ARHGAP24: variants seen among roughly 807,000 people sequenced by gnomAD.
ARHGAP24 encodes the protein rho GTPase-activating protein 24.
In ARHGAP24, 50 loss-of-function variants were observed where a neutral mutation model predicts 76.4. That is an observed-to-expected ratio of 0.65 (90% CI 0.52 to 0.83). The LOEUF (loss-of-function observed/expected upper bound fraction) is 0.83. Ranked by LOEUF, ARHGAP24 falls within the 40% of genes least tolerant of loss-of-function variation. The pLI is 0.00. For missense variants in ARHGAP24, 930 were observed against 914.2 expected (o/e 1.02, Z -0.22); for synonymous variants, 345 against 323.3 (o/e 1.07, Z -0.72).
intron 2 of ARHGAP24, among the ~76,000 whole-genome samples, chr4:85,574,991 T>C (rs149936410): frequency 7.9e-5 from 12 of 152,348 alleles, no homozygotes; most frequent in Non-Finnish European, 1.6e-4. Context: ...CTCAGCTCTC[T>C]GGAGACAGTA....
intron 2 of ARHGAP24, among the ~76,000 whole-genome samples, chr4:85,652,746 G>GC (rs1272048379): frequency 6.6e-6 from 1 of 152,118 alleles, no homozygotes; most frequent in Admixed American, 6.6e-5. Flanking sequence ...GGATTAGGGG[G>GC]TGGCAAGTTG....
At chr4:85,918,554 T>A (rs1735542679) in intron 3 of ARHGAP24, among the ~76,000 whole-genome samples, 2 of 152,128 alleles carry the variant, frequency 1.3e-5, no homozygotes, top group South Asian at 2.1e-4. Flanking sequence ...AACTATGCAT[T>A]ATTTTATGTT....
intron 1 of ARHGAP24, among the ~76,000 whole-genome samples, chr4:85,480,904 A>T (rs1279873507): frequency 1.3e-5 from 2 of 152,170 alleles, no homozygotes; most frequent in Non-Finnish European, 2.9e-5. Context: ...AATTGAATCT[A>T]TCAAAAAATT....
intron 3 of ARHGAP24, among the ~76,000 whole-genome samples, chr4:85,898,070 T>C (rs908339165): frequency 1.7e-4 from 26 of 149,102 alleles, no homozygotes; most frequent in African/African-American, 6.4e-4. Flanking sequence ...ATTATTTTTT[T>C]ATTGGTTAGG....
chr4:85,898,793 G>A (rs1734335394), intron 3 of ARHGAP24, among the ~76,000 whole-genome samples: 1 of 151,974 alleles, frequency 6.6e-6, no homozygotes, highest in South Asian at 2.1e-4. Flanking sequence ...TGCCCAGGTT[G>A]GAGTGCAATG....
intron 8 of ARHGAP24, chr4:85,991,941 T>G (rs1410543171): frequency 7.8e-6 from 3 of 385,458 alleles, no homozygotes; most frequent in Admixed American, 4.5e-5. Context: ...AGTCCCTAGG[T>G]TTTTTTTAAA....
chr4:85,909,223 A>G lies in ARHGAP24; in HGVS notation c.269-14425A>G, dbSNP rs1200385964. Among the ~76,000 whole-genome samples the G allele has an allele frequency of 2.6e-5, 4 of 152,256 alleles. No homozygotes were observed. In the East Asian group the frequency reaches 7.7e-4, roughly 29 times the overall value. On this transcript the variant is annotated intron_variant, in intron 3 of 9. Transcript: ENST00000395184. ...TGCAGAGTCTACCATAGAGAAACAC[A>G]GTGATCTTGATTTAAACTTGCTTTC...
In ARHGAP24 at chr4:85,990,473, T is replaced by C. The variant is rs143198484; in HGVS notation, c.929-4110T>C. 197 of 151,938 alleles carry C rather than the reference T, an allele frequency of 1.3e-3. 1 individual carries two copies. The highest frequency in any genetic ancestry group is 3.8e-3 in the African/African-American group (158 of 41,544). 9.4% of individuals were successfully genotyped at this position (151,938 alleles called of 1,614,324 possible). ...ACAGGGAAATAAAAGCTATCTAGAA[T>C]AGCACAAATAATTTGAAAGGAAATA... On this transcript the variant is annotated intron_variant, in intron 8 of 9. Transcript: ENST00000395184.
At chr4:85,738,377 T>G (rs1725683436) in intron 3 of ARHGAP24, among the ~76,000 whole-genome samples, 1 of 87,522 alleles carries the variant, frequency 1.1e-5, no homozygotes, top group Admixed American at 1.2e-4. Context: ...TTTATTATTA[T>G]TATTATTATT....
intron 2 of ARHGAP24, among the ~76,000 whole-genome samples, chr4:85,646,080 A>G (rs1721711676): frequency 6.6e-6 from 1 of 152,100 alleles, no homozygotes. Context: ...AAGTGTTTGT[A>G]TATGTTATTT....
intron 3 of ARHGAP24, among the ~76,000 whole-genome samples, chr4:85,788,878 A>G (rs543519330): frequency 3.3e-4 from 50 of 152,308 alleles, no homozygotes; most frequent in African/African-American, 1.1e-3. Context: ...CATTGAGATC[A>G]AGGACAGAAA....
chr4:85,697,746 G>A (rs892094525), intron 2 of ARHGAP24, among the ~76,000 whole-genome samples: 4 of 152,190 alleles, frequency 2.6e-5, no homozygotes, highest in Admixed American at 6.5e-5. Context: ...GACACTCCAG[G>A]TTAAGTGATG....
intron 1 of ARHGAP24, among the ~76,000 whole-genome samples, chr4:85,556,323 A>G (rs1296069224): frequency 6.6e-6 from 1 of 152,192 alleles, no homozygotes; most frequent in Admixed American, 6.5e-5. Context: ...CAAAGCCATT[A>G]GCAATGGGAA....
chr4:85,974,888 G>T lies in ARHGAP24; in HGVS notation c.733G>T (p.Gly245Cys). Residue 245 changes from glycine (G) to cysteine (C), a missense_variant and splice_region_variant, in exon 7 of 10, where the codon GGT becomes TGT. Physicochemically the swap from Gly to Cys is radical, Grantham distance 159. Transcript: ENST00000395184. ...TATTTATTTTCTTCTTTGTACTCAG[G>T]GTGTTAAGGAATTAGCAAAGCAGGT... ...AKLLSKEEEA[G>C]VKELAKQVKS... 1 of 1,613,288 alleles carries T rather than the reference G, an allele frequency of 6.2e-7. No individual in the cohort carries two copies. The highest frequency in any genetic ancestry group is 2.2e-5 in the East Asian group (1 of 44,830).
chr4:85,608,551 G>GTTTTTTTTT (rs141361475), intron 2 of ARHGAP24, among the ~76,000 whole-genome samples: 2 of 73,186 alleles, frequency 2.7e-5, no homozygotes, highest in Non-Finnish European at 4.9e-5. Flanking sequence ...TTGTTTGGTT[G>GTTTTTTTTT]TTTTTTTTTT....
intron 1 of ARHGAP24, among the ~76,000 whole-genome samples, chr4:85,479,646 C>T (rs1722734065): frequency 6.6e-6 from 1 of 152,140 alleles, no homozygotes; most frequent in Non-Finnish European, 1.5e-5. Flanking sequence ...CAGCTTCTTT[C>T]ATGTTATAGT....
intron 3 of ARHGAP24, among the ~76,000 whole-genome samples, chr4:85,824,012 A>C (rs1398452903): frequency 6.6e-6 from 1 of 152,052 alleles, no homozygotes; most frequent in Non-Finnish European, 1.5e-5. Context: ...CCATCTAGAA[A>C]AATATTACCA....
At chr4:85,535,545 G>T (rs1376422254) in intron 1 of ARHGAP24, among the ~76,000 whole-genome samples, 2 of 152,160 alleles carry the variant, frequency 1.3e-5, no homozygotes, top group African/African-American at 2.4e-5. Flanking sequence ...TCATAAAAAC[G>T]CAGAATAAGG....
At chr4:85,715,057 T>C (rs1724683032) in intron 2 of ARHGAP24, among the ~76,000 whole-genome samples, 1 of 152,164 alleles carries the variant, frequency 6.6e-6, no homozygotes, top group Admixed American at 6.5e-5. Context: ...GAGAAATACC[T>C]ATGTTACAGA....
Sources: allele counts gnomAD v4.1 joint callset (sites outside exome capture counted in the v4.1 genomes callset), GRCh38; gene constraint gnomAD v4.1.1; transcripts MANE v1.5; gene names NCBI Gene and HGNC (gene_info 2026-07-23, HGNC 2026-07-21).